TENT4B: variants seen among roughly 807,000 people sequenced by gnomAD.
TENT4B encodes terminal nucleotidyltransferase 4B.
TENT4B carries 10 observed loss-of-function variants against 75.0 expected under a neutral mutation model. The observed-to-expected ratio is 0.13, with a 90% CI of 0.08 to 0.23. TENT4B has a LOEUF of 0.23. Among genes scored for constraint, TENT4B ranks in the 10% least tolerant of loss-of-function variants. The pLI is 1.00. For synonymous variants in TENT4B, 350 were observed against 357.7 expected (o/e 0.98, Z 0.24); for missense variants, 579 against 893.8 (o/e 0.65, Z 4.49).
At chr16:50,212,190 G>A (rs894310151) in intron 2 of TENT4B, among the ~76,000 whole-genome samples, 1 of 152,118 alleles carries the variant, frequency 6.6e-6, no homozygotes, top group Non-Finnish European at 1.5e-5. Flanking sequence ...CCGAGTAGCT[G>A]GGACTGCAGG....
chr16:50,170,896 A>ACCT (rs2150682044), intron 1 of TENT4B, among the ~76,000 whole-genome samples: 1 of 151,200 alleles, frequency 6.6e-6, no homozygotes, highest in South Asian at 2.1e-4. Flanking sequence ...CAAACTCCTG[A>ACCT]CCTCAGGTGA....
At chr16:50,155,109 T>A (rs1486914335) in intron 1 of TENT4B, among the ~76,000 whole-genome samples, 3 of 152,160 alleles carry the variant, frequency 2.0e-5, no homozygotes, top group African/African-American at 7.2e-5. Flanking sequence ...GACTTTCTGT[T>A]TAAAGTTCAG....
intron 1 of TENT4B, among the ~76,000 whole-genome samples, chr16:50,170,296 G>A (rs150568827): frequency 0.083 from 12,585 of 152,102 alleles, 623 homozygotes; most frequent in South Asian, 0.14. Flanking sequence ...TGGGATTACA[G>A]GCGTGAGCCA....
chr16:50,224,621 G>A (rs763167789), intron 7 of TENT4B, 36 bp from the exon 8 acceptor site: 2 of 1,612,072 alleles, frequency 1.2e-6, no homozygotes, highest in Admixed American at 3.3e-5. Context: ...ATTAAGCACA[G>A]TCAGGCTTAC....
At chr16:50,167,293 C>T (rs988911068) in intron 1 of TENT4B, among the ~76,000 whole-genome samples, 1 of 151,900 alleles carries the variant, frequency 6.6e-6, no homozygotes, top group Non-Finnish European at 1.5e-5. Flanking sequence ...TCAAAGCCAT[C>T]GTGGGCCTCT....
intron 1 of TENT4B, among the ~76,000 whole-genome samples, chr16:50,205,952 T>A (rs1407461892): frequency 6.6e-6 from 1 of 152,188 alleles, no homozygotes; most frequent in Non-Finnish European, 1.5e-5. Flanking sequence ...GCTTTTTCTT[T>A]CCAATTTAAC....
chr16:50,193,616 G>A (rs1050386068), intron 1 of TENT4B, among the ~76,000 whole-genome samples: 3 of 152,108 alleles, frequency 2.0e-5, no homozygotes, highest in African/African-American at 7.2e-5. Flanking sequence ...GGGATTACAG[G>A]TGTGAGTCAC....
chr16:50,175,628 C>G (rs762293649), intron 1 of TENT4B, among the ~76,000 whole-genome samples: 1 of 151,864 alleles, frequency 6.6e-6, no homozygotes, highest in Non-Finnish European at 1.5e-5. Flanking sequence ...CATGACACCA[C>G]GCCCAGCTAA....
chr16:50,234,173 G>A lies in TENT4B; in HGVS notation c.*4845G>A. On this transcript the variant is annotated 3_prime_UTR_variant, in exon 12 of 12. Transcript: ENST00000561678. ...ACTATGAAGTAAACAAGTTGCTCAGGCCGGGCATGGTGGCTCACGCCTGTA... is the reference window on the plus strand; with the variant it reads ...ACTATGAAGTAAACAAGTTGCTCAGACCGGGCATGGTGGCTCACGCCTGTA... The A allele has an allele frequency of 2.0e-6, 2 of 985,540 alleles. No homozygotes were observed. Among genetic ancestry groups the A allele is most frequent in the Non-Finnish European group, 2.4e-6 (2 of 830,002 alleles). 61.0% of individuals were successfully genotyped at this position (985,540 alleles called of 1,614,324 possible). A position where few individuals can be genotyped will look rare whatever the true frequency, so the allele number is the denominator to read the frequency against.
chr16:50,206,485 G>T (rs34465428), intron 1 of TENT4B, among the ~76,000 whole-genome samples: 3 of 151,216 alleles, frequency 2.0e-5, no homozygotes, highest in Non-Finnish European at 2.9e-5. Flanking sequence ...GGATGAATTT[G>T]GTAATAAAAC....
chr16:50,186,967 C>T (rs1487298642), intron 1 of TENT4B, among the ~76,000 whole-genome samples: 2 of 151,856 alleles, frequency 1.3e-5, no homozygotes, highest in Non-Finnish European at 2.9e-5. Context: ...CACTTTGTTG[C>T]CCAGGCTGGT....
At chr16:50,163,154 T>C (rs1227824175) in intron 1 of TENT4B, among the ~76,000 whole-genome samples, 3 of 152,216 alleles carry the variant, frequency 2.0e-5, no homozygotes, top group African/African-American at 7.2e-5. Context: ...CTGTCAGGTA[T>C]TGTACATTCC....
chr16:50,205,892 T>C (rs1263153775), intron 1 of TENT4B, among the ~76,000 whole-genome samples: 1 of 152,116 alleles, frequency 6.6e-6, no homozygotes, highest in Non-Finnish European at 1.5e-5. Flanking sequence ...CTTCTGCCCC[T>C]GCACATGTCT....
At chr16:50,153,286 T>C (rs1401015698), upstream of TENT4B, among the ~76,000 whole-genome samples, 5 of 141,502 alleles carry the variant, frequency 3.5e-5, no homozygotes, top group Admixed American at 7.0e-5. Context: ...CTGCCGCCGC[T>C]GCCGCCGCCG....
At chr16:50,213,412 G>A (rs1320543165) in intron 2 of TENT4B, among the ~76,000 whole-genome samples, 1 of 152,038 alleles carries the variant, frequency 6.6e-6, no homozygotes, top group Non-Finnish European at 1.5e-5. Flanking sequence ...GAGTTCCACC[G>A]TTCTCCATGG....
In TENT4B at chr16:50,153,991, C is replaced by T. The variant is rs1341264936; in HGVS notation, c.370C>T (p.Arg124Trp). ...CCACCAGCCCGGGGCCTGGGCCCGC[C>T]GGGCGGGCTCCTCGGCGTCCTCGCC... ...NHHQPGAWAR[R>W]AGSSASSPPS... is the part of the protein sequence containing the mutation. Residue 124 changes from arginine (R) to tryptophan (W), a missense_variant, in exon 1 of 12, where the codon CGG becomes TGG. By Grantham distance (101) the Arg-to-Trp change is moderately radical. Transcript: ENST00000561678. 6.5e-7 allele frequency: 1 copy of T among 1,534,138 alleles called. No individual in the cohort carries two copies.
intron 1 of TENT4B, among the ~76,000 whole-genome samples, chr16:50,168,990 A>C (rs2038154785): frequency 6.6e-6 from 1 of 152,208 alleles, no homozygotes; most frequent in Admixed American, 6.5e-5. Context: ...GTATCTTTAG[A>C]TAAGGACTTA....
intron 4 of TENT4B, 58 bp from the exon 5 acceptor site, chr16:50,217,496 CCT>C (rs1389436121): frequency 3.3e-6 from 3 of 915,452 alleles, no homozygotes; most frequent in Non-Finnish European, 4.9e-6. Context: ...GCTTCCATCC[CCT>C]GATTTTATCA....
intron 1 of TENT4B, among the ~76,000 whole-genome samples, chr16:50,205,069 T>G (rs2030870776): frequency 6.6e-6 from 1 of 152,258 alleles, no homozygotes; most frequent in South Asian, 2.1e-4. Flanking sequence ...TTAATGAATT[T>G]TTTTATGATG....
Sources: allele counts gnomAD v4.1 joint callset (sites outside exome capture counted in the v4.1 genomes callset), GRCh38; gene constraint gnomAD v4.1.1; transcripts MANE v1.5; gene names NCBI Gene and HGNC (gene_info 2026-07-23, HGNC 2026-07-21).